Variants in TMEM132C observed in about 807,000 individuals in gnomAD.
TMEM132C encodes the protein transmembrane protein 132C, also known as protein phosphatase 1, regulatory subunit 152.
A neutral mutation model predicts 61.4 loss-of-function variants in TMEM132C; 29 were observed. The observed-to-expected ratio is 0.47, with a 90% CI of 0.35 to 0.64. The LOEUF is 0.64. Among genes scored for constraint, TMEM132C ranks in the 30% least tolerant of loss-of-function variants. TMEM132C has a pLI of 0.00. For missense variants in TMEM132C, 1,408 were observed against 1,476.9 expected (o/e 0.95, Z 0.76); for synonymous variants, 656 against 633.1 (o/e 1.04, Z -0.54).
At chr12:128,669,329 T>C (rs1459078721) in intron 4 of TMEM132C, 88 bp from the exon 5 acceptor site, 2 of 1,472,298 alleles carry the variant, frequency 1.4e-6, no homozygotes, top group African/African-American at 1.4e-5. Context: ...GCCTGGTGTT[T>C]ACCCTGGGAG....
chr12:128,469,702 A>G lies in TMEM132C; in HGVS notation c.974+54082A>G, dbSNP rs549929686. 1.7e-4 allele frequency among the ~76,000 whole-genome samples: 26 copies of G among 151,782 alleles called. No homozygotes were observed. The East Asian group carries it at 4.5e-3, about 26-fold the overall frequency. ...TGCATTTATGTGTGTGTATGTATATATATGCATTTATGTGTGTGTGTATAT... is the reference window on the plus strand; with the variant it reads ...TGCATTTATGTGTGTGTATGTATATGTATGCATTTATGTGTGTGTGTATAT... On this transcript the variant is annotated intron_variant, in intron 2 of 8. Coordinates refer to ENST00000435159, the MANE Select transcript of TMEM132C (RefSeq NM_001136103.3).
chr12:128,478,610 C>A (rs897982), intron 2 of TMEM132C, among the ~76,000 whole-genome samples: 27,414 of 152,190 alleles, frequency 0.18, 2,534 homozygotes, highest in East Asian at 0.24. Flanking sequence ...GCATTTTGTT[C>A]TTTTAAGATG....
At chr12:128,445,749 T>G (rs1020330877) in intron 2 of TMEM132C, among the ~76,000 whole-genome samples, 8 of 152,150 alleles carry the variant, frequency 5.3e-5, no homozygotes, top group Non-Finnish European at 1.2e-4. Context: ...TGCTGAAAAG[T>G]CTGCGGGGAA....
At chr12:128,705,027 G>A (rs1251257353) in intron 8 of TMEM132C, 63 bp from the exon 9 acceptor site, 16 of 1,456,444 alleles carry the variant, frequency 1.1e-5, no homozygotes, top group Admixed American at 1.0e-4. Flanking sequence ...GTCCTCCTAG[G>A]AGGGGGTTTC....
chr12:128,476,149 G>C (rs972205501), intron 2 of TMEM132C, among the ~76,000 whole-genome samples: 1 of 152,150 alleles, frequency 6.6e-6, no homozygotes, highest in African/African-American at 2.4e-5. Context: ...ATTCTCCTCT[G>C]AGTTACCTGT....
In TMEM132C at chr12:128,503,521, T is replaced by A. The variant is rs184173059; in HGVS notation, c.975-40436T>A. ...GGCTGGACTTCTAACATTCTTCTGG[T>A]TCTGAACTTCAGTGTTTCTGACTTT... On this transcript the variant is annotated intron_variant, in intron 2 of 8. Coordinates refer to ENST00000435159, the MANE Select transcript of TMEM132C (RefSeq NM_001136103.3). Among the ~76,000 whole-genome samples the A allele has an allele frequency of 2.0e-4, 30 of 152,368 alleles. 1 individual carries two copies. The East Asian group carries it at 5.0e-3, about 25-fold the overall frequency.
At chr12:128,620,232 C>CAA (rs386378194) in intron 4 of TMEM132C, among the ~76,000 whole-genome samples, 4,510 of 61,518 alleles carry the variant, frequency 0.073, 164 homozygotes, top group African/African-American at 0.13. Flanking sequence ...GACCCTGTCT[C>CAA]AAAAAAAAAA....
At chr12:128,333,779 G>T (rs559795031) in intron 1 of TMEM132C, among the ~76,000 whole-genome samples, 1 of 150,890 alleles carries the variant, frequency 6.6e-6, no homozygotes, top group Non-Finnish European at 1.5e-5. Context: ...GGTATGTATG[G>T]TGTATATATG....
At chr12:128,523,733 C>T (rs1477060903) in intron 2 of TMEM132C, among the ~76,000 whole-genome samples, 1 of 149,468 alleles carries the variant, frequency 6.7e-6, no homozygotes, top group Non-Finnish European at 1.5e-5. Flanking sequence ...GGCATGATGG[C>T]TCACATCTGT....
At chr12:128,489,198 G>T (rs191622592) in intron 2 of TMEM132C, among the ~76,000 whole-genome samples, 1 of 152,002 alleles carries the variant, frequency 6.6e-6, no homozygotes, top group African/African-American at 2.4e-5. Context: ...ACTGATGGGG[G>T]CGTTTTCCTG....
chr12:128,334,559 G>C (rs1191870676), intron 1 of TMEM132C, among the ~76,000 whole-genome samples: 1 of 149,520 alleles, frequency 6.7e-6, no homozygotes, highest in Non-Finnish European at 1.5e-5. Flanking sequence ...TCCCCCACTA[G>C]TTTCTTGAAA....
At chr12:128,408,285 C>CT (rs34788397) in intron 1 of TMEM132C, among the ~76,000 whole-genome samples, 1 of 152,116 alleles carries the variant, frequency 6.6e-6, no homozygotes, top group East Asian at 1.9e-4. Flanking sequence ...TTCCTTTAGA[C>CT]TTTTTTCCAG....
At chr12:128,647,432 C>T (rs1230430260) in intron 4 of TMEM132C, among the ~76,000 whole-genome samples, 1 of 139,200 alleles carries the variant, frequency 7.2e-6, no homozygotes, top group Admixed American at 7.6e-5. Flanking sequence ...TTTACTAGCC[C>T]CTATCAGCGT....
At chr12:128,396,539 T>A (rs1168241331) in intron 1 of TMEM132C, among the ~76,000 whole-genome samples, 1 of 152,132 alleles carries the variant, frequency 6.6e-6, no homozygotes, top group East Asian at 1.9e-4. Context: ...ACCTGCACAT[T>A]CTGCACATGT....
intron 3 of TMEM132C, among the ~76,000 whole-genome samples, chr12:128,544,826 T>C (rs1365514545): frequency 6.6e-6 from 1 of 152,230 alleles, no homozygotes; most frequent in African/African-American, 2.4e-5. Context: ...TTCACTTGTA[T>C]TGGAAACATT....
At chr12:128,664,036 A>G (rs1954428621) in intron 4 of TMEM132C, among the ~76,000 whole-genome samples, 1 of 128,902 alleles carries the variant, frequency 7.8e-6, no homozygotes, top group African/African-American at 2.9e-5. Flanking sequence ...ACACGCACCC[A>G]CACGCACGCA....
At chr12:128,552,031 A>T (rs993469996) in intron 3 of TMEM132C, among the ~76,000 whole-genome samples, 1 of 151,844 alleles carries the variant, frequency 6.6e-6, no homozygotes, top group Non-Finnish European at 1.5e-5. Flanking sequence ...TTCAGGGGGG[A>T]CTCCGTGTTG....
rs529608132 is a variant in TMEM132C, at chr12:128,599,662, G to A, written c.1122-16490G>A. ...GAATCTGCAAAGGAGAAAGAGAAAA[G>A]GAAGGTTTTTTAAAAAGCAAGAGTG... On this transcript the variant is annotated intron_variant, in intron 3 of 8. Transcript: ENST00000435159. Among the ~76,000 whole-genome samples, 5 of 152,306 alleles carry A rather than the reference G, an allele frequency of 3.3e-5. 1 individual carries two copies. Among genetic ancestry groups the A allele is most frequent in the African/African-American group, 1.2e-4 (5 of 41,572 alleles).
At chr12:128,511,862 A>C (rs1872576342) in intron 2 of TMEM132C, among the ~76,000 whole-genome samples, 1 of 152,144 alleles carries the variant, frequency 6.6e-6, no homozygotes, top group Non-Finnish European at 1.5e-5. Context: ...TAGTGAACAA[A>C]GATACTCCTG....
Sources: gnomAD v4.1 joint callset for allele counts (sites outside exome capture counted in the v4.1 genomes callset) on GRCh38, gnomAD v4.1.1 for gene constraint, MANE v1.5 for transcripts, NCBI Gene and HGNC (gene_info 2026-07-23, HGNC 2026-07-21) for gene names.